Variants in VASP observed in about 807,000 individuals in gnomAD.
VASP encodes the protein vasodilator-stimulated phosphoprotein.
VASP carries 27 observed loss-of-function variants against 54.4 expected under a neutral mutation model. The observed-to-expected ratio is 0.50, with a 90% CI of 0.37 to 0.68. The LOEUF is 0.68. VASP is among the 30% of genes least tolerant of loss of function. The pLI, the probability that VASP is intolerant of heterozygous loss-of-function variation, is 0.00. For synonymous variants in VASP, 233 were observed against 209.8 expected, an observed-to-expected ratio of 1.11 and a Z score of -0.96; for missense variants, 488 against 528.3, an observed-to-expected ratio of 0.92 and a Z score of 0.75.
In VASP at chr19:45,517,655, G is replaced by T; in HGVS notation, c.6-8G>T. 3.1e-6 allele frequency: 5 copies of T among 1,604,844 alleles called. No homozygotes were observed. Among genetic ancestry groups the T allele is most frequent in the Non-Finnish European group, 3.4e-6 (4 of 1,179,330 alleles). Reference sequence around the variant, plus strand: ...ACCGGCCCCTCTCCCTTTTCCTCCCGCCTGCAGCGAGACGGTCATCTGTTC... The same window carrying T: ...ACCGGCCCCTCTCCCTTTTCCTCCCTCCTGCAGCGAGACGGTCATCTGTTC... On this transcript the variant is annotated splice_polypyrimidine_tract_variant and splice_region_variant and intron_variant, in intron 1 of 12. Transcript: ENST00000245932.
intron 1 of VASP, 106 bp from the exon 2 acceptor site, chr19:45,517,555 CTG>C: frequency 6.9e-7 from 1 of 1,442,982 alleles, no homozygotes; most frequent in Admixed American, 2.1e-5. Context: ...CTGCCTCCCT[CTG>C]TGTCACTCTC....
At chr19:45,523,770 T>A in intron 8 of VASP, 71 bp from the exon 9 acceptor site, 1 of 1,613,752 alleles carries the variant, frequency 6.2e-7, no homozygotes, top group Middle Eastern at 1.7e-4. Context: ...ATGTGTGGGG[T>A]TTGAACCTGA....
chr19:45,523,533 G>A, intron 7 of VASP, 111 bp from the exon 8 acceptor site: 4 of 1,270,498 alleles, frequency 3.1e-6, no homozygotes, highest in Non-Finnish European at 4.4e-6. Context: ...GTTTCCTTAG[G>A]TTTTCGGAGT....
At chr19:45,522,078 CCT>C in intron 4 of VASP, 88 bp from the exon 5 acceptor site, 2 of 1,574,362 alleles carry the variant, frequency 1.3e-6, no homozygotes, top group South Asian at 1.1e-5. Flanking sequence ...ACCCTGGAGA[CCT>C]CTGAGAGAGA....
rs1599924759 is a variant in VASP, at chr19:45,507,496, A to T, written c.-276A>T. On this transcript the variant is annotated 5_prime_UTR_variant, in exon 1 of 13. Coordinates refer to ENST00000245932, the MANE Select transcript of VASP (RefSeq NM_003370.4). This position sits in a 1 kb window ranked among gnomAD's most constrained non-coding sequence, Gnocchi z 4.4. Reference sequence around the variant, plus strand: ...AGAGAAGTACAGTAGTAAGAGTAACACTGTAGCCGCCACCGGCAAGGGGTG... The same window carrying T: ...AGAGAAGTACAGTAGTAAGAGTAACTCTGTAGCCGCCACCGGCAAGGGGTG... 2 of 499,002 alleles carry T rather than the reference A, an allele frequency of 4.0e-6. No individual in the cohort carries two copies. Among genetic ancestry groups the T allele is most frequent in the East Asian group, 3.6e-5 (1 of 27,964 alleles). 30.9% of individuals were successfully genotyped at this position (499,002 alleles called of 1,614,324 possible). A position where few individuals can be genotyped will look rare whatever the true frequency, so the allele number is the denominator to read the frequency against.
intron 9 of VASP, 62 bp downstream of exon 9, chr19:45,523,939 T>C (rs1968902265): frequency 1.9e-6 from 3 of 1,611,456 alleles, no homozygotes; most frequent in African/African-American, 1.3e-5. Context: ...TGTTCTCACA[T>C]GTTAAGCACC....
chr19:45,507,605 C>T lies in VASP; in HGVS notation c.-167C>T, dbSNP rs1025005060. 4.1e-5 allele frequency: 33 copies of T among 805,572 alleles called. No individual in the cohort carries two copies. The highest frequency in any genetic ancestry group is 7.4e-5 in the African/African-American group (4 of 54,138). 49.9% of individuals were successfully genotyped at this position (805,572 alleles called of 1,614,324 possible). A position where few individuals can be genotyped will look rare whatever the true frequency, so the allele number is the denominator to read the frequency against. ...CCTGAGGGAAGCGGCGCCCGGAGACCCGCCCCGGCCCGGTCCACATTCTCC... is the reference window on the plus strand; with the variant it reads ...CCTGAGGGAAGCGGCGCCCGGAGACTCGCCCCGGCCCGGTCCACATTCTCC... On this transcript the variant is annotated 5_prime_UTR_variant, in exon 1 of 13. Coordinates refer to ENST00000245932, the MANE Select transcript of VASP (RefSeq NM_003370.4). This position sits in a 1 kb window ranked among gnomAD's most constrained non-coding sequence, Gnocchi z 4.4.
rs764087249 is a variant in VASP at position 45,524,139 on chromosome 19, C to T, written c.953C>T (p.Pro318Leu). 2.5e-6 allele frequency: 4 copies of T among 1,613,398 alleles called. No individual in the cohort carries two copies. Among genetic ancestry groups the T allele is most frequent in the Non-Finnish European group, 3.4e-6 (4 of 1,180,008 alleles). ...RPWEKNSTTL[P>L]RMKSSSSVTT... ...TGGGAGAAGAACAGCACAACCTTGCCAAGGTAGGCCATCGGTCCTGGGGCC... is the reference window on the plus strand; with the variant it reads ...TGGGAGAAGAACAGCACAACCTTGCTAAGGTAGGCCATCGGTCCTGGGGCC... The change falls in exon 10 of 13, where the codon CCA becomes CTA. Residue 318 changes from proline to leucine, a missense_variant. This residue lies in a region of VASP where 126 missense variants were observed against 134.8 expected (regional missense o/e 0.94). Transcript: ENST00000245932.
chr19:45,519,335 G>A (rs1034874603), intron 3 of VASP, among the ~76,000 whole-genome samples: 6 of 151,756 alleles, frequency 4.0e-5, no homozygotes, highest in Admixed American at 3.3e-4. Flanking sequence ...GTAGAGAAGG[G>A]GTTTCACCAT....
chr19:45,517,912 C>T lies in VASP; in HGVS notation c.178-17C>T. Reference sequence around the variant, plus strand: ...CCTGCGCCCGCCGCCCCTCACCCCCCTTTCCCCTCCCACCAGGTGGTCATC... The same window carrying T: ...CCTGCGCCCGCCGCCCCTCACCCCCTTTTCCCCTCCCACCAGGTGGTCATC... On this transcript the variant is annotated splice_polypyrimidine_tract_variant and intron_variant, in intron 2 of 12. Transcript: ENST00000245932. 5 of 1,608,498 alleles carry T rather than the reference C, an allele frequency of 3.1e-6. No individual in the cohort carries two copies. Among genetic ancestry groups the T allele is most frequent in the African/African-American group, 1.3e-5 (1 of 74,954 alleles).
intron 3 of VASP, among the ~76,000 whole-genome samples, chr19:45,519,348 T>C (rs1480119103): frequency 6.6e-6 from 1 of 152,074 alleles, no homozygotes. Context: ...TTCACCATAT[T>C]GGCCAGGCTG....
At chr19:45,508,091 T>G (rs996386585) in intron 1 of VASP, among the ~76,000 whole-genome samples, 2 of 151,578 alleles carry the variant, frequency 1.3e-5, no homozygotes, top group Non-Finnish European at 2.9e-5. Context: ...CCCGCAGGGA[T>G]GCCAGGATTG....
chr19:45,523,890 C>T lies in VASP; in HGVS notation c.910+13C>T. On this transcript the variant is annotated intron_variant, in intron 9 of 12. Transcript: ENST00000245932. ...CCGGCCCAGAGTGGTGAGTAGAGTG[C>T]CCAGTCCAGCCACAGGAACTACAAA... The T allele has an allele frequency of 6.2e-7, 1 of 1,613,594 alleles. No individual in the cohort carries two copies. Among genetic ancestry groups the T allele is most frequent in the African/African-American group, 1.3e-5 (1 of 74,998 alleles).
chr19:45,509,408 CG>C (rs1968555053), intron 1 of VASP, among the ~76,000 whole-genome samples: 1 of 152,128 alleles, frequency 6.6e-6, no homozygotes, highest in South Asian at 2.1e-4. Flanking sequence ...CTCGCGTTTC[CG>C]GTCCCAGGCT....
At chr19:45,509,765 AC>A (rs1939866813) in intron 1 of VASP, among the ~76,000 whole-genome samples, 1 of 152,056 alleles carries the variant, frequency 6.6e-6, no homozygotes, top group Admixed American at 6.5e-5. Context: ...AGAATTCAAA[AC>A]CCATGCCCCT....
rs530977325 is a variant in VASP at position 45,523,886 on chromosome 19, A to C, written c.910+9A>C. On this transcript the variant is annotated intron_variant, in intron 9 of 12. Transcript: ENST00000245932. The stretch of plus-strand genomic sequence containing the variant: ...AGTCCCGGCCCAGAGTGGTGAGTAG[A>C]GTGCCCAGTCCAGCCACAGGAACTA... 1.2e-6 allele frequency: 2 copies of C among 1,610,508 alleles called. No homozygotes were observed. The highest frequency in any genetic ancestry group is 2.2e-5 in the South Asian group (2 of 91,056).
Position 45,521,426 on chromosome 19 carries a change from G to T in VASP, c.428+20G>T, listed in dbSNP as rs770984441. ...GAAAAGGTGGGGCTGGGCCCTGGGT[G>T]GGGAACCTTAGCCGCTGCCAGAGTT... On this transcript the variant is annotated intron_variant, in intron 4 of 12. Transcript: ENST00000245932. The T allele has an allele frequency of 1.1e-5, 17 of 1,527,588 alleles. No individual in the cohort carries two copies. Among genetic ancestry groups the T allele is most frequent in the Non-Finnish European group, 1.5e-5 (17 of 1,136,858 alleles). 94.6% of individuals were successfully genotyped at this position (1,527,588 alleles called of 1,614,324 possible).
At chr19:45,525,917 C>T (rs1968953451) in intron 11 of VASP, 29 bp from the exon 12 acceptor site, 1 of 1,600,880 alleles carries the variant, frequency 6.2e-7, no homozygotes, top group South Asian at 1.1e-5. Flanking sequence ...GGTACCCCCT[C>T]CTGATTAGTT....
At position 45,507,502 on chromosome 19, in the gene VASP, G is replaced by T. The variant is rs890366134; in HGVS notation, c.-270G>T. ...GTACAGTAGTAAGAGTAACACTGTA[G>T]CCGCCACCGGCAAGGGGTGCGCGCT... On this transcript the variant is annotated 5_prime_UTR_variant, in exon 1 of 13. Transcript: ENST00000245932. The surrounding 1 kb of genome is among the most constrained non-coding windows in gnomAD (Gnocchi z 4.4). 6 of 500,188 alleles carry T rather than the reference G, an allele frequency of 1.2e-5. No individual in the cohort carries two copies. The South Asian group carries it at 1.3e-4, about 11-fold the overall frequency. 31.0% of individuals were successfully genotyped at this position (500,188 alleles called of 1,614,324 possible). A position where few individuals can be genotyped will look rare whatever the true frequency, so the allele number is the denominator to read the frequency against.
Sources: allele counts gnomAD v4.1 joint callset (sites outside exome capture counted in the v4.1 genomes callset), GRCh38; gene constraint gnomAD v4.1.1; regional missense constraint gnomAD v4.1.1; non-coding constraint Gnocchi (gnomAD v3.1); transcripts MANE v1.5; gene names NCBI Gene and HGNC (gene_info 2026-07-23, HGNC 2026-07-21).